PPM1E: variants seen among roughly 807,000 people sequenced by gnomAD.
PPM1E encodes the protein protein phosphatase 1E.
Under a neutral mutation model 65.9 loss-of-function variants are expected in PPM1E, and 20 were observed. The ratio of observed to expected loss-of-function variants is 0.30; its 90% CI spans 0.21 to 0.44. The LOEUF (loss-of-function observed/expected upper bound fraction) is 0.44. Among genes scored for constraint, PPM1E ranks in the 20% least tolerant of loss-of-function variants. PPM1E has a pLI of 1.00. For missense variants in PPM1E, 713 were observed against 953.1 expected, an observed-to-expected ratio of 0.75 and a Z score of 3.32; for synonymous variants, 352 against 374.9, an observed-to-expected ratio of 0.94 and a Z score of 0.70.
chr17:58,925,369 A>G (rs2051811086), intron 1 of PPM1E, among the ~76,000 whole-genome samples: 1 of 152,014 alleles, frequency 6.6e-6, no homozygotes, highest in Non-Finnish European at 1.5e-5. Context: ...TGGCCGCATA[A>G]ATGTCTTCCT....
chr17:58,949,187 G>A (rs2052202891), intron 1 of PPM1E, among the ~76,000 whole-genome samples: 1 of 152,144 alleles, frequency 6.6e-6, no homozygotes, highest in South Asian at 2.1e-4. Flanking sequence ...CTGGTCTTAG[G>A]TGCATGTATA....
At chr17:58,762,965 C>T (rs2049837583) in intron 1 of PPM1E, among the ~76,000 whole-genome samples, 1 of 151,402 alleles carries the variant, frequency 6.6e-6, no homozygotes, top group South Asian at 2.1e-4. Context: ...AAACAAAATT[C>T]ATGTTGATCC....
intron 1 of PPM1E, among the ~76,000 whole-genome samples, chr17:58,836,690 C>G (rs1164695779): frequency 6.6e-6 from 1 of 150,386 alleles, no homozygotes; most frequent in Non-Finnish European, 1.5e-5. Flanking sequence ...GTCTCGAGCT[C>G]CTGACCTTGT....
intron 1 of PPM1E, among the ~76,000 whole-genome samples, chr17:58,904,068 G>T (rs1169119353): frequency 6.6e-6 from 1 of 152,084 alleles, no homozygotes. Context: ...CTGAGATAGA[G>T]AAGAAAGTTG....
Position 58,980,260 on chromosome 17 carries a change from G to T in PPM1E, c.1497G>T (p.Glu499Asp). The T allele has an allele frequency of 6.2e-7, 1 of 1,614,194 alleles. No homozygotes were observed. Among genetic ancestry groups the T allele is most frequent in the Non-Finnish European group, 8.5e-7 (1 of 1,180,030 alleles). ...RDMNKAVNVSEESDWTENSFQ... is the reference protein window; with the variant it reads ...RDMNKAVNVSDESDWTENSFQ... Reference sequence around the variant, plus strand: ...TGAACAAAGCTGTAAATGTTAGTGAGGAATCAGATTGGACAGAGAACTCTT... The same window carrying T: ...TGAACAAAGCTGTAAATGTTAGTGATGAATCAGATTGGACAGAGAACTCTT... Residue 499 changes from glutamate to aspartate, a missense_variant, in exon 7 of 7, where the codon GAG (glutamate) becomes GAT (aspartate). Glu to Asp is a conservative substitution (Grantham distance 45). Around this residue, in one of 6 missense-constraint regions of PPM1E, gnomAD observed 286 missense variants for 313.8 expected, o/e 0.91. Coordinates refer to ENST00000308249, the MANE Select transcript of PPM1E (RefSeq NM_014906.5). This position sits in a 1 kb window ranked among gnomAD's most constrained non-coding sequence, Gnocchi z 4.7.
intron 1 of PPM1E, among the ~76,000 whole-genome samples, chr17:58,798,297 C>T (rs1276692296): frequency 2.0e-5 from 3 of 146,662 alleles, no homozygotes; most frequent in East Asian, 2.1e-4. Context: ...GGTACAATCT[C>T]GGCTTGCTGC....
At position 58,969,652 on chromosome 17, in the gene PPM1E, C is replaced by T. The variant is rs760289595; in HGVS notation, c.897C>T (p.Pro299=). 6.2e-7 allele frequency: 1 copy of T among 1,614,164 alleles called. No individual in the cohort carries two copies. Among genetic ancestry groups the T allele is most frequent in the Non-Finnish European group, 8.5e-7 (1 of 1,180,028 alleles). ...ACTTAGTCCGCCAGGAGATGTTCCC[C>T]CATGATCCTGCTGAGGCCCTGTGCA... ...HVNLVRQEMF[P]HDPAEALCRA... The change falls in exon 4 of 7, where the codon CCC becomes CCT. Residue 299 remains proline (P), a synonymous_variant. Transcript: ENST00000308249.
intron 1 of PPM1E, among the ~76,000 whole-genome samples, chr17:58,890,289 C>T (rs1475406351): frequency 1.3e-5 from 2 of 152,062 alleles, no homozygotes; most frequent in Admixed American, 6.5e-5. Context: ...ACCTCATAAC[C>T]TTCTTATGTG....
At chr17:58,763,700 T>G (rs2049845401) in intron 1 of PPM1E, among the ~76,000 whole-genome samples, 1 of 152,144 alleles carries the variant, frequency 6.6e-6, no homozygotes, top group Non-Finnish European at 1.5e-5. Flanking sequence ...CAGTACTGTA[T>G]GAGGAGTCTG....
At chr17:58,789,583 A>G (rs1456869118) in intron 1 of PPM1E, among the ~76,000 whole-genome samples, 2 of 152,176 alleles carry the variant, frequency 1.3e-5, no homozygotes, top group Non-Finnish European at 2.9e-5. Context: ...CATAGGATGT[A>G]GTATCAGAAG....
intron 1 of PPM1E, among the ~76,000 whole-genome samples, chr17:58,855,689 AT>A (rs941283674): frequency 1.3e-5 from 2 of 152,188 alleles, no homozygotes; most frequent in Non-Finnish European, 2.9e-5. Context: ...TTAAAGATAA[AT>A]TTTTTAAATA....
chr17:58,862,123 TCA>T (rs2050949075), intron 1 of PPM1E, among the ~76,000 whole-genome samples: 1 of 152,184 alleles, frequency 6.6e-6, no homozygotes, highest in Non-Finnish European at 1.5e-5. Context: ...TACAATAGAT[TCA>T]CAGTTTCCTG....
chr17:58,756,018 G>A lies in PPM1E; in HGVS notation c.21G>A (p.Glu7=). Residue 7 remains glutamate (E), a synonymous_variant, in exon 1 of 7, where the codon GAG becomes GAA. Coordinates refer to ENST00000308249, the MANE Select transcript of PPM1E (RefSeq NM_014906.5). The part of the protein sequence containing the change: MAGCIP[E]EKTYRRFLEL... ...CAGCGATGGCCGGCTGCATCCCTGA[G>A]GAGAAAACTTACCGGCGCTTCCTGG... The A allele has an allele frequency of 6.2e-7, 1 of 1,614,038 alleles. No individual in the cohort carries two copies. The highest frequency in any genetic ancestry group is 8.5e-7 in the Non-Finnish European group (1 of 1,179,928).
chr17:58,783,428 G>A (rs1295107531), intron 1 of PPM1E, among the ~76,000 whole-genome samples: 4 of 152,140 alleles, frequency 2.6e-5, no homozygotes, highest in African/African-American at 9.7e-5. Flanking sequence ...CATAAGATTT[G>A]CCTGCCAAAA....
chr17:58,899,109 TAACA>T (rs2051463204), intron 1 of PPM1E, among the ~76,000 whole-genome samples: 1 of 151,740 alleles, frequency 6.6e-6, no homozygotes, highest in Non-Finnish European at 1.5e-5. Context: ...TATACATATA[TAACA>T]AACCTGCACG....
chr17:58,952,305 G>A (rs114743578), intron 1 of PPM1E, among the ~76,000 whole-genome samples: 2,936 of 152,300 alleles, frequency 0.019, 90 homozygotes, highest in African/African-American at 0.067. Flanking sequence ...CTGGCTGGGG[G>A]CACATGTGCA....
intron 1 of PPM1E, among the ~76,000 whole-genome samples, chr17:58,891,253 A>C (rs1164008412): frequency 2.0e-5 from 3 of 152,192 alleles, no homozygotes; most frequent in African/African-American, 7.2e-5. Flanking sequence ...GGCATGAGCC[A>C]CTCGCACCTG....
chr17:58,787,389 TTTC>T lies in PPM1E; in HGVS notation c.464+30934_464+30936del, dbSNP rs531362033. ...TGGCCCAAATTTTTCTTTTTTTTCT[TTTC>T]TTCTTTTTTTTTTAACCCACAGCTA... is the stretch of plus-strand genomic sequence containing the variant. On this transcript the variant is annotated intron_variant, in intron 1 of 6. Transcript: ENST00000308249. Among the ~76,000 whole-genome samples the T allele has an allele frequency of 3.2e-4, 49 of 152,242 alleles. 1 individual carries two copies. In the South Asian group the frequency reaches 7.9e-3, roughly 24 times the overall value.
intron 1 of PPM1E, among the ~76,000 whole-genome samples, chr17:58,795,441 G>A (rs1335670338): frequency 6.6e-6 from 1 of 152,180 alleles, no homozygotes; most frequent in Non-Finnish European, 1.5e-5. Flanking sequence ...GGGGGCTCAT[G>A]TCTGTAATCT....
Sources: gnomAD v4.1 joint callset for allele counts (sites outside exome capture counted in the v4.1 genomes callset) on GRCh38, gnomAD v4.1.1 for gene constraint, gnomAD v4.1.1 regional missense constraint, Gnocchi (gnomAD v3.1) non-coding constraint, MANE v1.5 for transcripts, NCBI Gene and HGNC (gene_info 2026-07-23, HGNC 2026-07-21) for gene names.